SVOP: variants seen among roughly 807,000 people sequenced by gnomAD.
The protein encoded by SVOP is synaptic vesicle 2-related protein.
SVOP carries 17 observed loss-of-function variants against 69.1 expected under a neutral mutation model. The ratio of observed to expected loss-of-function variants is 0.25; its 90% confidence interval spans 0.17 to 0.37. The LOEUF (loss-of-function observed/expected upper bound fraction) is 0.37. Ranked by LOEUF, SVOP falls within the 10% of genes least tolerant of loss-of-function variation. The pLI is 1.00. For missense variants in SVOP, 435 were observed against 597.5 expected, an observed-to-expected ratio of 0.73 and a Z score of 2.84; for synonymous variants, 238 against 238.6, an observed-to-expected ratio of 1.00 and a Z score of 0.02.
At position 108,978,103 on chromosome 12, in the gene SVOP, C is replaced by T. The variant is rs553254153; in HGVS notation, c.282+475G>A. The stretch of plus-strand genomic sequence containing the variant: ...GGGGGAAATGTTGTGGGGAAATTGA[C>T]GATCCATTTGGGAAAATATGTAGTT... On this transcript the variant is annotated intron_variant, in intron 3 of 15. Transcript: ENST00000610966. 5.3e-5 allele frequency among the ~76,000 whole-genome samples: 8 copies of T among 152,062 alleles called. No homozygotes were observed. The East Asian group carries it at 7.7e-4, about 15-fold the overall frequency.
intron 1 of SVOP, among the ~76,000 whole-genome samples, chr12:109,012,221 T>G (rs978360132): frequency 4.0e-5 from 6 of 151,414 alleles, no homozygotes; most frequent in Non-Finnish European, 8.8e-5. Context: ...AGGTGGAGGT[T>G]GCAGTGAGCC....
chr12:108,912,276 T>C lies in SVOP; in HGVS notation c.*259A>G. On this transcript the variant is annotated 3_prime_UTR_variant, in exon 16 of 16. Coordinates refer to ENST00000610966, the MANE Select transcript of SVOP (RefSeq NM_018711.5). ...TACCAGACCCTCCTAATATGGGTAG[T>C]CTTCCCATGTAGATCCACAGGTTAT... 7.3e-7 allele frequency: 1 copy of C among 1,366,012 alleles called. No homozygotes were observed. The highest frequency in any genetic ancestry group is 1.8e-5 in the South Asian group (1 of 56,846). 84.6% of individuals were successfully genotyped at this position (1,366,012 alleles called of 1,614,324 possible).
At chr12:108,956,228 G>A (rs2039985023) in intron 6 of SVOP, among the ~76,000 whole-genome samples, 1 of 151,932 alleles carries the variant, frequency 6.6e-6, no homozygotes, top group African/African-American at 2.4e-5. Context: ...TGTGAACCCT[G>A]GAGGCGGAGC....
chr12:109,020,863 C>T lies in SVOP; in HGVS notation c.6G>A (p.Glu2=), dbSNP rs2040394072. 1 of 715,130 alleles carries T rather than the reference C, an allele frequency of 1.4e-6. No individual in the cohort carries two copies. The highest frequency in any genetic ancestry group is 2.6e-6 in the Non-Finnish European group (1 of 383,730). 44.3% of individuals were successfully genotyped at this position (715,130 alleles called of 1,614,324 possible). The change falls in exon 1 of 16, where the codon GAG becomes GAA. Residue 2 remains glutamate (E), a synonymous_variant. Transcript: ENST00000610966. M[E]EDLFQLRQLP... ...GCTGCCTTAGCTGGAATAAGTCCTC[C>T]TCCATGTCCGCGCTGCGCCAGGATG...
intron 1 of SVOP, among the ~76,000 whole-genome samples, chr12:109,010,465 C>A (rs1173326550): frequency 6.6e-6 from 1 of 152,164 alleles, no homozygotes; most frequent in African/African-American, 2.4e-5. Context: ...AAACAATGGC[C>A]TCTTTTCAAG....
intron 14 of SVOP, 138 bp from the exon 15 acceptor site, chr12:108,916,010 G>A: frequency 1.2e-5 from 9 of 766,538 alleles, no homozygotes; most frequent in Middle Eastern, 3.7e-4. Context: ...CGCCCTTAAG[G>A]GACAGGGATC....
chr12:108,980,637 C>T (rs2040130620), intron 2 of SVOP, among the ~76,000 whole-genome samples: 1 of 124,682 alleles, frequency 8.0e-6, no homozygotes, highest in South Asian at 2.4e-4. Context: ...GTAGTCCCAG[C>T]TACTCAGGAG....
At chr12:108,934,927 T>G (rs545232915) in intron 10 of SVOP, among the ~76,000 whole-genome samples, 9 of 152,246 alleles carry the variant, frequency 5.9e-5, no homozygotes, top group Non-Finnish European at 1.3e-4. Context: ...AGCCATTCTT[T>G]TATTCCTTTA....
chr12:108,933,156 C>T (rs1469088057), intron 11 of SVOP, among the ~76,000 whole-genome samples: 2 of 152,100 alleles, frequency 1.3e-5, no homozygotes, highest in Non-Finnish European at 2.9e-5. Context: ...ACTACATGCA[C>T]GAGCCACCAC....
chr12:108,974,418 G>A (rs2137432040), intron 4 of SVOP, among the ~76,000 whole-genome samples: 1 of 152,248 alleles, frequency 6.6e-6, no homozygotes, highest in Non-Finnish European at 1.5e-5. Context: ...AGTGCTTAGA[G>A]CCTTCTCATC....
intron 11 of SVOP, among the ~76,000 whole-genome samples, chr12:108,929,714 C>A (rs2039803889): frequency 6.6e-6 from 1 of 152,190 alleles, no homozygotes; most frequent in South Asian, 2.1e-4. Context: ...TATAAATCCC[C>A]ACTTTGAATA....
intron 6 of SVOP, 69 bp from the exon 7 acceptor site, chr12:108,945,235 T>C: frequency 6.8e-7 from 1 of 1,465,390 alleles, no homozygotes; most frequent in Non-Finnish European, 9.2e-7. Flanking sequence ...TACCGTTTTC[T>C]GAATTTGCAG....
intron 1 of SVOP, among the ~76,000 whole-genome samples, chr12:109,018,298 T>C (rs1287420441): frequency 6.6e-6 from 1 of 152,156 alleles, no homozygotes; most frequent in African/African-American, 2.4e-5. Flanking sequence ...GTGGACAGCA[T>C]GTGAAAAACA....
chr12:108,961,085 CAGCACCTCCAGGT>C (rs2040015505), intron 5 of SVOP, 38 bp from the exon 6 acceptor site: 5 of 1,523,750 alleles, frequency 3.3e-6, no homozygotes, highest in Non-Finnish European at 4.4e-6. Flanking sequence ...AAGGGCTTTT[CAGCACCTCCAGGT>C]AGCGTTTGCA....
chr12:108,991,609 C>A (rs951453411), intron 1 of SVOP, among the ~76,000 whole-genome samples: 16 of 152,028 alleles, frequency 1.1e-4, no homozygotes, highest in African/African-American at 3.9e-4. Flanking sequence ...GCATGTGCCA[C>A]CACGCCTGGC....
In SVOP at chr12:108,912,101, T is replaced by G; in HGVS notation, c.*434A>C. 1.2e-6 allele frequency: 1 copy of G among 837,734 alleles called. No homozygotes were observed. Among genetic ancestry groups the G allele is most frequent in the Non-Finnish European group, 1.4e-6 (1 of 689,776 alleles). The allele number at this position is 837,734 out of a possible 1,614,324, so 51.9% of individuals were successfully genotyped here. On this transcript the variant is annotated 3_prime_UTR_variant, in exon 16 of 16. Coordinates refer to ENST00000610966, the MANE Select transcript of SVOP (RefSeq NM_018711.5). ...AAAGAAGAAAGCCTGGGGCTGTGAG[T>G]GTGGGAGAAACCTACTGAACAGGTC... is the stretch of plus-strand genomic sequence containing the variant.
intron 6 of SVOP, among the ~76,000 whole-genome samples, chr12:108,954,142 T>C (rs2039973078): frequency 6.6e-6 from 1 of 151,042 alleles, no homozygotes; most frequent in South Asian, 2.1e-4. Flanking sequence ...AAAAGCTATT[T>C]AGTGGAGTAG....
At chr12:108,917,893 G>T in intron 14 of SVOP, 150 bp downstream of exon 14, 1 of 535,822 alleles carries the variant, frequency 1.9e-6, no homozygotes, top group Non-Finnish European at 3.2e-6. Flanking sequence ...TGATCCTCCT[G>T]CCTCGGCCTC....
chr12:108,982,363 C>T (rs1456940966), intron 2 of SVOP, among the ~76,000 whole-genome samples: 2 of 151,306 alleles, frequency 1.3e-5, no homozygotes, highest in Non-Finnish European at 2.9e-5. Flanking sequence ...TCATCACTAT[C>T]ATCACCACTG....
Sources: allele counts gnomAD v4.1 joint callset (sites outside exome capture counted in the v4.1 genomes callset), GRCh38; gene constraint gnomAD v4.1.1; transcripts MANE v1.5; gene names NCBI Gene and HGNC (gene_info 2026-07-23, HGNC 2026-07-21).